Variants in TSC2 observed in about 807,000 individuals in gnomAD.
TSC2 encodes TSC complex subunit 2, also known as tuberin.
Under a neutral mutation model 202.2 loss-of-function variants are expected in TSC2, and 29 were observed. That is an observed-to-expected ratio of 0.14 (90% CI 0.11 to 0.20). The LOEUF (loss-of-function observed/expected upper bound fraction) is 0.20. Ranked by LOEUF, TSC2 falls within the 10% of genes least tolerant of loss-of-function variation. The pLI, the probability that TSC2 is intolerant of heterozygous loss-of-function variation, is 1.00. For synonymous variants in TSC2, 1,349 were observed against 1,044.0 expected (o/e 1.29, Z -5.63); for missense variants, 2,429 against 2,420.0 (o/e 1.00, Z -0.08).
rs1567474646 is a variant in TSC2 at position 2,074,240 on chromosome 16, G to A, written c.2396G>A (p.Arg799His). ...TGCCTGGAGCAGGGCCTCATCCACC[G>A]CTGTGCCAGCCAGTGCGTCGTGGCC... Reference protein sequence around the residue: ...VYCLEQGLIHRCASQCVVALS... With the variant: ...VYCLEQGLIHHCASQCVVALS... Residue 799 changes from arginine to histidine, a missense_variant, in exon 22 of 42, where the codon CGC (arginine) becomes CAC (histidine). Transcript: ENST00000219476. 1.9e-6 allele frequency: 3 copies of A among 1,612,384 alleles called. No homozygotes were observed. Among genetic ancestry groups the A allele is most frequent in the East Asian group, 2.2e-5 (1 of 44,886 alleles).
chr16:2,065,761 G>A, intron 16 of TSC2, 126 bp downstream of exon 16: 2 of 858,548 alleles, frequency 2.3e-6, no homozygotes, highest in Non-Finnish European at 3.9e-6. Context: ...TGCTGAGGGT[G>A]CGGTGGTCTC....
chr16:2,075,852 A>T lies in TSC2; in HGVS notation c.2599A>T (p.Ser867Cys), dbSNP rs1596365202. ...GAACTTTGCCGCGGAGCAGTATGCC[A>T]GTGTGTTCGCCATCTCCCTGCCGTA... Reference protein sequence around the residue: ...YRNFAAEQYASVFAISLPYTN... With the variant: ...YRNFAAEQYACVFAISLPYTN... Residue 867 changes from serine to cysteine, a missense_variant, in exon 23 of 42, where the codon AGT (serine) becomes TGT (cysteine). Coordinates refer to ENST00000219476, the MANE Select transcript of TSC2 (RefSeq NM_000548.5). 6.2e-7 allele frequency: 1 copy of T among 1,613,132 alleles called. No individual in the cohort carries two copies. Among genetic ancestry groups the T allele is most frequent in the Non-Finnish European group, 8.5e-7 (1 of 1,179,982 alleles).
Position 2,058,158 on chromosome 16 carries a change from A to T in TSC2, c.849-589A>T, listed in dbSNP as rs183007020. ...ATCTCTCCCTCCCTCCTCCCGTAGA[A>T]CCAGGCCCTGGGGGCCAGCCCTGCC... On this transcript the variant is annotated intron_variant, in intron 9 of 41. Coordinates refer to ENST00000219476, the MANE Select transcript of TSC2 (RefSeq NM_000548.5). Among the ~76,000 whole-genome samples the T allele has an allele frequency of 3.8e-3, 469 of 124,090 alleles. 2 individuals carry two copies. Among genetic ancestry groups the T allele is most frequent in the Non-Finnish European group, 4.4e-3 (263 of 60,064 alleles). 81.4% of individuals were successfully genotyped at this position (124,090 alleles called of 152,430 possible).
intron 14 of TSC2, 169 bp from the exon 15 acceptor site, chr16:2,064,103 C>T (rs561750852): frequency 7.5e-5 from 82 of 1,099,230 alleles, no homozygotes; most frequent in African/African-American, 6.1e-5. Flanking sequence ...GAAGGGGCCC[C>T]GGGGTCTCTG....
chr16:2,081,739 C>T lies in TSC2; in HGVS notation c.3755C>T (p.Ser1252Leu). Residue 1252 changes from serine (S) to leucine (L), a missense_variant, in exon 31 of 42, where the codon TCA becomes TTA. Coordinates refer to ENST00000219476, the MANE Select transcript of TSC2 (RefSeq NM_000548.5). ...CACCGGGACACAGCCCTGTACAAGT[C>T]ACTGTCGGTGCCGGCAGCCAGCACG... Reference protein sequence around the residue: ...KEHRDTALYKSLSVPAASTAK... With the variant: ...KEHRDTALYKLLSVPAASTAK... 6.2e-7 allele frequency: 1 copy of T among 1,612,942 alleles called. No homozygotes were observed. The highest frequency in any genetic ancestry group is 8.5e-7 in the Non-Finnish European group (1 of 1,180,016).
intron 2 of TSC2, among the ~76,000 whole-genome samples, chr16:2,049,136 A>C (rs2084762099): frequency 1.3e-5 from 2 of 151,764 alleles, no homozygotes. Flanking sequence ...CCTAGGCTGG[A>C]GTGCAGTGGC....
intron 16 of TSC2, among the ~76,000 whole-genome samples, chr16:2,069,595 T>C (rs1051091015): frequency 6.6e-6 from 1 of 152,112 alleles, no homozygotes; most frequent in Non-Finnish European, 1.5e-5. Flanking sequence ...TTCTCCTGCC[T>C]CAGCCTCCCA....
intron 20 of TSC2, 175 bp from the exon 21 acceptor site, chr16:2,072,673 TG>T: frequency 1.9e-6 from 2 of 1,044,720 alleles, no homozygotes; most frequent in Non-Finnish European, 2.8e-6. Flanking sequence ...GTGTGTTACT[TG>T]GCAGGCACTC....
rs2151412600 is a variant in TSC2, at chr16:2,077,578, G to T, written c.2838-20G>T. On this transcript the variant is annotated intron_variant, in intron 25 of 41. Transcript: ENST00000219476. ...GAGCTGGGCTCTCTGGGGCGTTGGG[G>T]CTCCTTCCTCACCCGATAGTCTGAG... The T allele has an allele frequency of 1.2e-6, 2 of 1,612,466 alleles. No individual in the cohort carries two copies. The highest frequency in any genetic ancestry group is 1.1e-5 in the South Asian group (1 of 91,058).
At chr16:2,085,816 C>CA (rs2090705999) in intron 36 of TSC2, among the ~76,000 whole-genome samples, 1 of 152,036 alleles carries the variant, frequency 6.6e-6, no homozygotes, top group African/African-American at 2.4e-5. Flanking sequence ...TGCTTCTGAG[C>CA]AGAGGGCACA....
chr16:2,069,643 C>G (rs577878384), intron 16 of TSC2, among the ~76,000 whole-genome samples: 1 of 152,178 alleles, frequency 6.6e-6, no homozygotes, highest in Non-Finnish European at 1.5e-5. Flanking sequence ...CCACGCCCGG[C>G]TAATTTTTTT....
intron 26 of TSC2, 133 bp downstream of exon 26, chr16:2,077,859 G>T (rs1300050480): frequency 6.9e-7 from 1 of 1,455,942 alleles, no homozygotes; most frequent in East Asian, 2.4e-5. Context: ...AGGGGGAGCC[G>T]GTGACGAGGG....
chr16:2,077,747 G>T, intron 26 of TSC2, 21 bp downstream of exon 26: 1 of 1,610,770 alleles, frequency 6.2e-7, no homozygotes, highest in Admixed American at 1.7e-5. Flanking sequence ...TGTCGGGTGG[G>T]GGGCACGGAC....
In TSC2 at chr16:2,089,428, GC is replaced by G. The variant is rs2091344510; in HGVS notation, c.*820del. On this transcript the variant is annotated 3_prime_UTR_variant, in exon 42 of 42. Transcript: ENST00000219476. Reference sequence around the variant, plus strand: ...GGGGGACATCTGCCCAGGGGGTGGGGCCGGGCACAGCCCGCTGTACCTGAGG... The same window carrying G: ...GGGGGACATCTGCCCAGGGGGTGGGGCGGGCACAGCCCGCTGTACCTGAGG... 2.5e-5 allele frequency: 12 copies of G among 478,066 alleles called. No individual in the cohort carries two copies. The highest frequency in any genetic ancestry group is 4.6e-5 in the Non-Finnish European group (12 of 263,498). The allele number at this position is 478,066 out of a possible 1,614,324, so 29.6% of individuals were successfully genotyped here.
In TSC2 at chr16:2,069,359, C is replaced by G. The variant is rs151255298; in HGVS notation, c.1717-1097C>G. On this transcript the variant is annotated intron_variant, in intron 16 of 41. Transcript: ENST00000219476. ...TGAGATGGAGTCTCGCTCTGTCGCC[C>G]CAGCTGGAGTGCAGTGGCGCAATCT... 2.4e-3 allele frequency among the ~76,000 whole-genome samples: 366 copies of G among 152,302 alleles called. 2 individuals are homozygous for G. The highest frequency in any genetic ancestry group is 8.4e-3 in the African/African-American group (348 of 41,556).
rs1365261378 is a variant in TSC2 at position 2,087,475 on chromosome 16, G to A, written c.4990-388G>A. Among the ~76,000 whole-genome samples, 4 of 119,612 alleles carry A rather than the reference G, an allele frequency of 3.3e-5. No homozygotes were observed. In the Admixed American group the frequency reaches 3.4e-4, roughly 10 times the overall value. 78.5% of individuals were successfully genotyped at this position (119,612 alleles called of 152,430 possible). On this transcript the variant is annotated intron_variant, in intron 38 of 41. Coordinates refer to ENST00000219476, the MANE Select transcript of TSC2 (RefSeq NM_000548.5). Reference sequence around the variant, plus strand: ...GGAGGTGGGCTCTGCTAGATGCCAAGACAACCAGTTGGGGGGGGGGGGGCA... The same window carrying A: ...GGAGGTGGGCTCTGCTAGATGCCAAAACAACCAGTTGGGGGGGGGGGGGCA...
At chr16:2,075,979 A>G in intron 23 of TSC2, 87 bp downstream of exon 23, 4 of 1,612,120 alleles carry the variant, frequency 2.5e-6, no homozygotes, top group Admixed American at 3.3e-5. Flanking sequence ...TTTGTCCCCA[A>G]GGCCTGAGCG....
At position 2,079,605 on chromosome 16, in the gene TSC2, G is replaced by A. The variant is rs557648435; in HGVS notation, c.3333G>A (p.Lys1111=). 654 of 1,611,472 alleles carry A rather than the reference G, an allele frequency of 4.1e-4. 9 individuals carry two copies. The South Asian group carries it at 6.6e-3, about 16-fold the overall frequency. The change falls in exon 29 of 42, where the codon AAG becomes AAA. Residue 1111 remains lysine, a synonymous_variant. Coordinates refer to ENST00000219476, the MANE Select transcript of TSC2 (RefSeq NM_000548.5). This position sits in a 1 kb window ranked among gnomAD's most constrained non-coding sequence, Gnocchi z 4.6. ...HVRQTKEAPA[K]LESQAGQQVS... ...GACAGACCAAGGAGGCGCCGGCCAA[G>A]CTGGAGTCCCAGGCTGGGCAGCAGG...
At position 2,058,783 on chromosome 16, in the gene TSC2, C is replaced by A. The variant is rs778296481; in HGVS notation, c.885C>A (p.Ala295=). Residue 295 remains alanine (A), a synonymous_variant, in exon 10 of 42, where the codon GCC becomes GCA. Transcript: ENST00000219476. ...YMEDAPLLRG[A]VFFVGMALWG... ...AGGACGCGCCCCTGCTGAGAGGAGC[C>A]GTGTTTTTTGTGGGCATGGCTCTCT... 1.3e-6 allele frequency: 2 copies of A among 1,593,580 alleles called. No homozygotes were observed. Among genetic ancestry groups the A allele is most frequent in the Non-Finnish European group, 1.7e-6 (2 of 1,169,822 alleles).
Sources: gnomAD v4.1 joint callset for allele counts (sites outside exome capture counted in the v4.1 genomes callset) on GRCh38, gnomAD v4.1.1 for gene constraint, Gnocchi (gnomAD v3.1) non-coding constraint, MANE v1.5 for transcripts, NCBI Gene and HGNC (gene_info 2026-07-23, HGNC 2026-07-21) for gene names.